IPMK: variants seen among roughly 807,000 people sequenced by gnomAD.
The protein encoded by IPMK is inositol 1,3,4,6-tetrakisphosphate 5-kinase.
IPMK carries 17 observed loss-of-function variants against 45.8 expected under a neutral mutation model. The observed-to-expected ratio is 0.37, with a 90% CI of 0.25 to 0.56. The LOEUF is 0.56. Ranked by LOEUF, IPMK falls within the 20% of genes least tolerant of loss-of-function variation. The pLI is 0.79. For missense variants in IPMK, 399 were observed against 498.0 expected (o/e 0.80, Z 1.89); for synonymous variants, 180 against 184.3 (o/e 0.98, Z 0.19).
intron 5 of IPMK, among the ~76,000 whole-genome samples, chr10:58,197,393 G>A (rs1837917830): frequency 1.1e-4 from 16 of 148,042 alleles, no homozygotes; most frequent in Admixed American, 9.4e-4. Context: ...GCTCACGCCT[G>A]TAATCCCAGC....
At chr10:58,253,778 T>C (rs1357248479) in intron 1 of IPMK, among the ~76,000 whole-genome samples, 1 of 136,272 alleles carries the variant, frequency 7.3e-6, no homozygotes, top group African/African-American at 2.7e-5. Context: ...AAAAGAAAAA[T>C]AGCTTTACTG....
At chr10:58,253,295 T>C (rs1422153869) in intron 1 of IPMK, among the ~76,000 whole-genome samples, 5 of 152,214 alleles carry the variant, frequency 3.3e-5, no homozygotes, top group Non-Finnish European at 4.4e-5. Flanking sequence ...CTTTATAAAT[T>C]ATCCAGTGTC....
chr10:58,215,549 T>C (rs1351858496), intron 4 of IPMK, among the ~76,000 whole-genome samples: 1 of 151,800 alleles, frequency 6.6e-6, no homozygotes. Context: ...GCTCGGACTA[T>C]AGGCACACGC....
chr10:58,230,083 C>T (rs547430561), intron 2 of IPMK, among the ~76,000 whole-genome samples: 8 of 152,278 alleles, frequency 5.3e-5, no homozygotes, highest in South Asian at 2.1e-4. Context: ...GATCGAACTG[C>T]GAGGCAGCAG....
chr10:58,256,326 T>G (rs542121860), intron 1 of IPMK, among the ~76,000 whole-genome samples: 1 of 152,248 alleles, frequency 6.6e-6, no homozygotes, highest in African/African-American at 2.4e-5. Flanking sequence ...GTGTCTGCCT[T>G]ATGCGGTTGA....
chr10:58,254,884 C>T (rs942428221), intron 1 of IPMK, among the ~76,000 whole-genome samples: 7 of 152,244 alleles, frequency 4.6e-5, no homozygotes, highest in South Asian at 2.1e-4. Flanking sequence ...AGGATGAAAT[C>T]GCTGCCCTGC....
intron 3 of IPMK, 38 bp downstream of exon 3, chr10:58,227,005 G>C (rs199676131): frequency 1.4e-5 from 20 of 1,406,228 alleles, no homozygotes; most frequent in Non-Finnish European, 2.0e-5. Context: ...CTACACTCAT[G>C]AATTAAAACT....
intron 1 of IPMK, among the ~76,000 whole-genome samples, chr10:58,251,095 T>C (rs1479042549): frequency 1.3e-5 from 2 of 152,190 alleles, no homozygotes; most frequent in Non-Finnish European, 2.9e-5. Context: ...ATCATTAGGT[T>C]ATTTGAAGTC....
chr10:58,206,702 G>T (rs1448822008), intron 4 of IPMK, among the ~76,000 whole-genome samples: 1 of 152,082 alleles, frequency 6.6e-6, no homozygotes, highest in Non-Finnish European at 1.5e-5. Flanking sequence ...CTTCAGTGGT[G>T]ATTTCTGAGA....
chr10:58,224,433 G>A (rs1362103190), intron 3 of IPMK, among the ~76,000 whole-genome samples: 1 of 152,046 alleles, frequency 6.6e-6, no homozygotes, highest in Non-Finnish European at 1.5e-5. Flanking sequence ...GCCAACAAAT[G>A]TTATATTTTT....
intron 1 of IPMK, among the ~76,000 whole-genome samples, chr10:58,260,831 T>C (rs555165132): frequency 6.6e-6 from 1 of 152,098 alleles, no homozygotes; most frequent in East Asian, 1.9e-4. Context: ...ATATTGCAAA[T>C]AAATCGATTC....
intron 4 of IPMK, among the ~76,000 whole-genome samples, chr10:58,203,202 G>C (rs1321010997): frequency 6.6e-6 from 1 of 152,216 alleles, no homozygotes. Flanking sequence ...GGTAACTGCA[G>C]ATGTGGTAGA....
chr10:58,225,303 G>A (rs1033260903), intron 3 of IPMK, among the ~76,000 whole-genome samples: 2 of 152,060 alleles, frequency 1.3e-5, no homozygotes, highest in African/African-American at 4.8e-5. Context: ...AAGAAAACGT[G>A]GAGCTCAAAA....
chr10:58,267,865 T>G lies in IPMK; in HGVS notation c.-254A>C. 1 of 442,388 alleles carries G rather than the reference T, an allele frequency of 2.3e-6. No individual in the cohort carries two copies. Among genetic ancestry groups the G allele is most frequent in the Non-Finnish European group, 4.0e-6 (1 of 250,708 alleles). The allele number at this position is 442,388 out of a possible 1,614,324, so 27.4% of individuals were successfully genotyped here. On this transcript the variant is annotated 5_prime_UTR_variant, in exon 1 of 6. Transcript: ENST00000373935. ...CCGCCGCAGCCGCCGGCCCCGGCGC[T>G]GCCCGGTAGACAGAACCGAGCCGAA...
intron 1 of IPMK, among the ~76,000 whole-genome samples, chr10:58,257,549 A>G (rs1427455035): frequency 6.6e-6 from 1 of 152,192 alleles, no homozygotes; most frequent in Non-Finnish European, 1.5e-5. Context: ...CATTTTTAAA[A>G]TGTGAGAAAG....
rs143924439 is a variant in IPMK at position 58,211,746 on chromosome 10, TAAA to T, written c.546+4396_546+4398del. On this transcript the variant is annotated intron_variant, in intron 4 of 5. Coordinates refer to ENST00000373935, the MANE Select transcript of IPMK (RefSeq NM_152230.5). ...AGCAACAATGAAACCTCATCTGTAC[TAAA>T]AAAAAAAAAAAAAATCAGCCAAGTG... Among the ~76,000 whole-genome samples, 800 of 130,058 alleles carry T rather than the reference TAAA, an allele frequency of 6.2e-3. 5 individuals are homozygous for T. Among genetic ancestry groups the T allele is most frequent in the African/African-American group, 0.02 (717 of 35,354 alleles). 85.3% of individuals were successfully genotyped at this position (130,058 alleles called of 152,430 possible). A position where few individuals can be genotyped will look rare whatever the true frequency, so the allele number is the denominator to read the frequency against.
intron 4 of IPMK, among the ~76,000 whole-genome samples, chr10:58,212,003 C>T (rs1250417945): frequency 1.3e-5 from 2 of 149,538 alleles, no homozygotes; most frequent in Non-Finnish European, 3.0e-5. Context: ...TTTTCCCCAA[C>T]TAAATTAGAA....
intron 1 of IPMK, 133 bp from the exon 2 acceptor site, chr10:58,237,947 A>T: frequency 3.1e-6 from 2 of 645,030 alleles, no homozygotes; most frequent in Non-Finnish European, 5.4e-6. Context: ...CTTATTTCAG[A>T]AATTTTAACA....
chr10:58,260,814 A>C (rs1839053502), intron 1 of IPMK, among the ~76,000 whole-genome samples: 1 of 152,204 alleles, frequency 6.6e-6, no homozygotes, highest in African/African-American at 2.4e-5. Flanking sequence ...AAGTATTGGA[A>C]GACTCAATAT....
Sources: allele counts gnomAD v4.1 joint callset (sites outside exome capture counted in the v4.1 genomes callset), GRCh38; gene constraint gnomAD v4.1.1; transcripts MANE v1.5; gene names NCBI Gene and HGNC (gene_info 2026-07-23, HGNC 2026-07-21).